PCDHA2: variants seen among roughly 807,000 people sequenced by gnomAD.
PCDHA2 encodes protocadherin alpha 2.
A neutral mutation model predicts 66.0 loss-of-function variants in PCDHA2; 58 were observed. The ratio of observed to expected loss-of-function variants is 0.88; its 90% CI spans 0.71 to 1.09. The LOEUF (loss-of-function observed/expected upper bound fraction) is 1.09. Among genes scored for constraint, PCDHA2 ranks in the 50% least tolerant of loss-of-function variants. The probability of loss-of-function intolerance (pLI) is 0.00; values close to 1 mark genes in which losing one functional copy is unlikely to be tolerated. For missense variants in PCDHA2, 1,267 were observed against 1,242.3 expected, an observed-to-expected ratio of 1.02 and a Z score of -0.30; for synonymous variants, 634 against 554.0, an observed-to-expected ratio of 1.14 and a Z score of -2.03.
chr5:140,862,777 C>T, intron 1 of PCDHA2: 1 of 577,324 alleles, frequency 1.7e-6, no homozygotes, highest in Non-Finnish European at 3.3e-6. Context: ...CGCGTTGCAG[C>T]CACTGGACTA....
chr5:140,800,289 C>T (rs952271740), intron 1 of PCDHA2, among the ~76,000 whole-genome samples: 1 of 152,064 alleles, frequency 6.6e-6, no homozygotes, highest in African/African-American at 2.4e-5. Flanking sequence ...CTGTAAAGGA[C>T]CGACTTCTGA....
intron 3 of PCDHA2, among the ~76,000 whole-genome samples, chr5:140,998,721 C>A (rs987484967): frequency 4.6e-5 from 7 of 152,084 alleles, no homozygotes; most frequent in Admixed American, 4.6e-4. Flanking sequence ...TGCACCACCA[C>A]GCTAGGCTAA....
At chr5:140,838,077 AGTGTGTGTGTGTGTGTGTGT>A (rs57130401) in intron 1 of PCDHA2, among the ~76,000 whole-genome samples, 40 of 80,696 alleles carry the variant, frequency 5.0e-4, no homozygotes, top group Middle Eastern at 0.015. Flanking sequence ...ATATATATAT[AGTGTGTGTGTGTGTGTGTGT>A]GTGTGTGTGT....
chr5:140,981,888 G>A (rs1554243508), intron 2 of PCDHA2, among the ~76,000 whole-genome samples: 1 of 152,140 alleles, frequency 6.6e-6, no homozygotes, highest in Non-Finnish European at 1.5e-5. Flanking sequence ...AATCTCTTCT[G>A]AGCGGGGATC....
chr5:140,797,826 G>T (rs1762267458), intron 1 of PCDHA2, among the ~76,000 whole-genome samples: 1 of 151,902 alleles, frequency 6.6e-6, no homozygotes, highest in East Asian at 1.9e-4. Context: ...CCTTGTCTAT[G>T]CAATAGTTAA....
At chr5:140,830,066 C>T in intron 1 of PCDHA2, 1 of 1,613,706 alleles carries the variant, frequency 6.2e-7, no homozygotes, top group African/African-American at 1.3e-5. Flanking sequence ...TGAGCCGGCG[C>T]TGACAGCGAC....
At chr5:140,966,874 A>C (rs782520756) in intron 1 of PCDHA2, 275 of 1,584,454 alleles carry the variant, frequency 1.7e-4, no homozygotes, top group Non-Finnish European at 2.3e-4. Flanking sequence ...TGCTGCTGCT[A>C]CCTGGCCCTG....
At chr5:140,808,274 G>T (rs781840422) in intron 1 of PCDHA2, 4 of 1,614,206 alleles carry the variant, frequency 2.5e-6, no homozygotes, top group Non-Finnish European at 3.4e-6. Context: ...TAGAGAGGAC[G>T]CTCCACTGGG....
chr5:140,936,037 C>A (rs2090734622), intron 1 of PCDHA2, among the ~76,000 whole-genome samples: 2 of 151,862 alleles, frequency 1.3e-5, no homozygotes, highest in Non-Finnish European at 1.5e-5. Flanking sequence ...GGATTACAGG[C>A]ACCCACCACC....
At chr5:140,927,409 A>T (rs1554204480) in intron 1 of PCDHA2, 4 of 1,614,120 alleles carry the variant, frequency 2.5e-6, no homozygotes, top group Non-Finnish European at 3.4e-6. Context: ...TCGCCTGGAC[A>T]TGGGATCGCG....
At chr5:140,803,650 C>G (rs1262612069) in intron 1 of PCDHA2, 2 of 1,611,864 alleles carry the variant, frequency 1.2e-6, no homozygotes, top group Non-Finnish European at 1.7e-6. Flanking sequence ...CTCAATGTTT[C>G]CACTCCTCTG....
In PCDHA2 at chr5:141,012,204, T is replaced by C. The variant is rs1053312501; in HGVS notation, c.*2267T>C. The C allele has an allele frequency of 1.3e-5, 2 of 153,800 alleles. No homozygotes were observed. Among genetic ancestry groups the C allele is most frequent in the African/African-American group, 4.8e-5 (2 of 41,474 alleles). 9.5% of individuals were successfully genotyped at this position (153,800 alleles called of 1,614,324 possible). On this transcript the variant is annotated 3_prime_UTR_variant, in exon 4 of 4. Transcript: ENST00000526136. ...TATAATGTATCTGTACAGCACTTTT[T>C]ACATTTGCGAAGTGCTTTCCAATCC...
At chr5:140,876,174 T>G (rs957879450) in intron 1 of PCDHA2, 2 of 1,613,816 alleles carry the variant, frequency 1.2e-6, no homozygotes, top group African/African-American at 2.7e-5. Flanking sequence ...CCGTCCTGGA[T>G]GTGAATGACA....
chr5:140,851,049 T>G (rs114642351), intron 1 of PCDHA2: 1 of 1,386,514 alleles, frequency 7.2e-7, no homozygotes, highest in African/African-American at 1.5e-5. Flanking sequence ...GAGCCGACTT[T>G]GTCTTGACTT....
intron 1 of PCDHA2, among the ~76,000 whole-genome samples, chr5:140,940,877 T>G (rs2092697297): frequency 2.0e-5 from 3 of 152,378 alleles, no homozygotes; most frequent in East Asian, 3.9e-4. Flanking sequence ...GAGTGAATAC[T>G]ACTGCTAGTA....
At chr5:140,969,485 T>C (rs1485555970) in intron 1 of PCDHA2, 4 of 1,461,452 alleles carry the variant, frequency 2.7e-6, no homozygotes, top group African/African-American at 2.9e-5. Flanking sequence ...CATAATCTGC[T>C]ATTTCCTCTC....
rs2150396566 is a variant in PCDHA2, at chr5:140,846,990, G to A, written c.2388+49638G>A. 7.1e-4 allele frequency among the ~76,000 whole-genome samples: 106 copies of A among 149,506 alleles called. 4 individuals are homozygous for A. In the South Asian group the frequency reaches 0.022, roughly 31 times the overall value. On this transcript the variant is annotated intron_variant, in intron 1 of 3. Coordinates refer to ENST00000526136, the MANE Select transcript of PCDHA2 (RefSeq NM_018905.3). The stretch of plus-strand genomic sequence containing the variant: ...GTTTTAAAATAAGTAAGTTCCCCCC[G>A]GGAGAATATTGAGAATGATAGACAT...
At chr5:140,884,864 T>C (rs1048751495) in intron 1 of PCDHA2, among the ~76,000 whole-genome samples, 1 of 152,234 alleles carries the variant, frequency 6.6e-6, no homozygotes, top group African/African-American at 2.4e-5. Flanking sequence ...TCACAAACCA[T>C]AATGAAATGT....
chr5:140,883,804 G>T (rs373228578), intron 1 of PCDHA2: 1 of 1,612,420 alleles, frequency 6.2e-7, no homozygotes, highest in African/African-American at 1.3e-5. Context: ...CGGTGCACGC[G>T]GAGAGCGGCA....
Sources: allele counts gnomAD v4.1 joint callset (sites outside exome capture counted in the v4.1 genomes callset), GRCh38; gene constraint gnomAD v4.1.1; transcripts MANE v1.5; gene names NCBI Gene and HGNC (gene_info 2026-07-23, HGNC 2026-07-21).